Variants in DOCK10 observed in about 807,000 individuals in gnomAD.
DOCK10 encodes dedicator of cytokinesis protein 10.
DOCK10 carries 145 observed loss-of-function variants against 280.1 expected under a neutral mutation model. The ratio of observed to expected loss-of-function variants is 0.52; its 90% CI spans 0.45 to 0.59. The LOEUF (loss-of-function observed/expected upper bound fraction) is 0.59. DOCK10 is among the 20% of genes least tolerant of loss of function. The pLI is 0.00. For missense variants in DOCK10, 2,368 were observed against 2,651.7 expected (o/e 0.89, Z 2.35); for synonymous variants, 915 against 942.2 (o/e 0.97, Z 0.53).
intron 51 of DOCK10, among the ~76,000 whole-genome samples, chr2:224,777,320 G>C (rs942579418): frequency 6.6e-6 from 1 of 152,156 alleles, no homozygotes; most frequent in African/African-American, 2.4e-5. Context: ...TGAGGGTGTC[G>C]CTAAAGGAGA....
intron 3 of DOCK10, among the ~76,000 whole-genome samples, chr2:224,914,991 A>C (rs1230836439): frequency 1.3e-5 from 2 of 152,180 alleles, no homozygotes; most frequent in African/African-American, 4.8e-5. Flanking sequence ...AGTAAGAAAA[A>C]GAAATGGAGT....
At position 225,006,997 on chromosome 2, in the gene DOCK10, T is replaced by C. The variant is rs533470500; in HGVS notation, c.123+35255A>G. On this transcript the variant is annotated intron_variant, in intron 1 of 55. Transcript: ENST00000258390. Reference sequence around the variant, plus strand: ...GAAGACAGGCTAGAAGGTTTGAGAATGCATAAATGTGTCACAAAATGTATG... The same window carrying C: ...GAAGACAGGCTAGAAGGTTTGAGAACGCATAAATGTGTCACAAAATGTATG... Among the ~76,000 whole-genome samples the C allele has an allele frequency of 1.4e-4, 21 of 152,306 alleles. No homozygotes were observed. The East Asian group carries it at 3.7e-3, about 27-fold the overall frequency.
intron 28 of DOCK10, among the ~76,000 whole-genome samples, chr2:224,819,954 GT>G (rs766157425): frequency 6.6e-6 from 1 of 152,148 alleles, no homozygotes; most frequent in Admixed American, 6.5e-5. Flanking sequence ...TTAGCTTTCG[GT>G]TGTCTACTTT....
intron 13 of DOCK10, among the ~76,000 whole-genome samples, chr2:224,863,479 C>T (rs1282201746): frequency 2.0e-5 from 3 of 151,884 alleles, no homozygotes; most frequent in South Asian, 2.1e-4. Context: ...GACGGAGTCT[C>T]GCTCTGTCGC....
intron 1 of DOCK10, among the ~76,000 whole-genome samples, chr2:224,981,069 G>T (rs544725754): frequency 1.4e-4 from 22 of 152,144 alleles, no homozygotes; most frequent in Middle Eastern, 3.4e-3. Flanking sequence ...ATTAACAAGA[G>T]TTAAACTTGG....
chr2:224,799,170 C>T (rs927159499), intron 41 of DOCK10, among the ~76,000 whole-genome samples: 20 of 152,290 alleles, frequency 1.3e-4, no homozygotes, highest in African/African-American at 4.8e-4. Context: ...TCCTTCCTCC[C>T]ATCCTTCCTC....
intron 42 of DOCK10, 120 bp downstream of exon 42, chr2:224,797,712 A>C: frequency 8.2e-7 from 1 of 1,226,710 alleles, no homozygotes; most frequent in Non-Finnish European, 1.1e-6. Context: ...TAAAACCCAA[A>C]TTGAAGAAAA....
rs931625121 is a variant in DOCK10 at position 224,826,323 on chromosome 2, C to A, written c.3037-2676G>T. Among the ~76,000 whole-genome samples, 13 of 152,190 alleles carry A rather than the reference C, an allele frequency of 8.5e-5. 1 individual carries two copies. The South Asian group carries it at 2.5e-3, about 29-fold the overall frequency. The stretch of plus-strand genomic sequence containing the variant: ...AGGTGATCTGCCCACCTCAGCCTCC[C>A]AAAGTGCTGGGATTACAGGCATGAG... On this transcript the variant is annotated intron_variant, in intron 27 of 55. Coordinates refer to ENST00000258390, the MANE Select transcript of DOCK10 (RefSeq NM_014689.3).
intron 1 of DOCK10, among the ~76,000 whole-genome samples, chr2:224,959,685 C>T (rs1403513061): frequency 6.6e-6 from 1 of 152,196 alleles, no homozygotes; most frequent in Non-Finnish European, 1.5e-5. Flanking sequence ...TTCACACCCA[C>T]TTAATTTATT....
chr2:224,785,764 C>A (rs920928478), intron 50 of DOCK10, among the ~76,000 whole-genome samples: 1 of 152,200 alleles, frequency 6.6e-6, no homozygotes, highest in Non-Finnish European at 1.5e-5. Flanking sequence ...CAGGCGTGAG[C>A]CATGGCGCCC....
chr2:224,785,797 C>T (rs986532211), intron 50 of DOCK10, among the ~76,000 whole-genome samples: 1 of 152,174 alleles, frequency 6.6e-6, no homozygotes, highest in African/African-American at 2.4e-5. Context: ...AGTTTTTAAG[C>T]TGCCTTTGGT....
chr2:224,980,042 G>T (rs947974815), intron 1 of DOCK10, among the ~76,000 whole-genome samples: 1 of 152,036 alleles, frequency 6.6e-6, no homozygotes, highest in East Asian at 1.9e-4. Flanking sequence ...ATCAAAGTTT[G>T]CTCAGAAGTT....
At chr2:224,910,453 G>A (rs1700945871) in intron 3 of DOCK10, among the ~76,000 whole-genome samples, 1 of 152,188 alleles carries the variant, frequency 6.6e-6, no homozygotes, top group Admixed American at 6.5e-5. Context: ...GACGGAGCTG[G>A]TGGCATGTGT....
intron 50 of DOCK10, among the ~76,000 whole-genome samples, chr2:224,779,545 T>C (rs1691150590): frequency 6.6e-6 from 1 of 152,128 alleles, no homozygotes; most frequent in Admixed American, 6.5e-5. Context: ...GAAATGCCTT[T>C]TGAGGTCTGG....
intron 22 of DOCK10, 47 bp from the exon 23 acceptor site, chr2:224,841,943 G>T: frequency 7.2e-7 from 1 of 1,398,240 alleles, no homozygotes; most frequent in Non-Finnish European, 1.0e-6. Context: ...CACGTAAACC[G>T]TGTTACAAAC....
Position 224,874,361 on chromosome 2 carries a change from A to C in DOCK10, c.1018-12T>G. 6.3e-7 allele frequency: 1 copy of C among 1,598,246 alleles called. No homozygotes were observed. The highest frequency in any genetic ancestry group is 8.6e-7 in the Non-Finnish European group (1 of 1,168,914). ...GTTTCTGTGAGGTACTACAGAGAAA[A>C]TTGTGTTAGTCCTTGGTATCTAAAT... is the stretch of plus-strand genomic sequence containing the variant. On this transcript the variant is annotated splice_polypyrimidine_tract_variant and intron_variant, in intron 9 of 55. Coordinates refer to ENST00000258390, the MANE Select transcript of DOCK10 (RefSeq NM_014689.3).
At position 224,998,114 on chromosome 2, in the gene DOCK10, C is replaced by T. The variant is rs149112064; in HGVS notation, c.123+44138G>A. Among the ~76,000 whole-genome samples the T allele has an allele frequency of 3.9e-3, 589 of 152,278 alleles. 6 individuals carry two copies. Among genetic ancestry groups the T allele is most frequent in the African/African-American group, 0.013 (527 of 41,552 alleles). The stretch of plus-strand genomic sequence containing the variant: ...CCGTATTTCGATTTCTAGTGCTACC[C>T]TCCTGGTTATAGTTCTCATTACTTT... On this transcript the variant is annotated intron_variant, in intron 1 of 55. Transcript: ENST00000258390.
Position 224,886,172 on chromosome 2 carries a change from T to C in DOCK10, c.503A>G (p.His168Arg), listed in dbSNP as rs1409093942. ...TCCTCCACCCCCCTTGGAAGACGAG[T>C]GGGAAGTGGTATCCTGTAGGAAAGG... is the stretch of plus-strand genomic sequence containing the variant. ...DADKDEDTTS[H>R]SSSKGGGGAG... The change falls in exon 6 of 56, where the codon CAC (histidine) becomes CGC (arginine). Residue 168 changes from histidine (H) to arginine (R), a missense_variant. Transcript: ENST00000258390. 1 of 1,613,512 alleles carries C rather than the reference T, an allele frequency of 6.2e-7. No homozygotes were observed. Among genetic ancestry groups the C allele is most frequent in the Non-Finnish European group, 8.5e-7 (1 of 1,179,790 alleles).
chr2:224,837,706 G>T (rs1434479860), intron 25 of DOCK10, 56 bp downstream of exon 25: 6 of 1,458,768 alleles, frequency 4.1e-6, no homozygotes, highest in Non-Finnish European at 5.8e-6. Flanking sequence ...GACAGGAAAT[G>T]AGACAAGTCA....
Sources: allele counts gnomAD v4.1 joint callset (sites outside exome capture counted in the v4.1 genomes callset), GRCh38; gene constraint gnomAD v4.1.1; transcripts MANE v1.5; gene names NCBI Gene and HGNC (gene_info 2026-07-23, HGNC 2026-07-21).